The following PRKCH variants were observed in gnomAD, a reference collection of about 807,000 sequenced individuals.
The protein encoded by PRKCH is protein kinase C eta type.
PRKCH carries 28 observed loss-of-function variants against 82.5 expected under a neutral mutation model. The ratio of observed to expected loss-of-function variants is 0.34; its 90% CI spans 0.25 to 0.47. PRKCH has a LOEUF of 0.47. PRKCH is among the 20% of genes least tolerant of loss of function. PRKCH has a pLI of 1.00. For synonymous variants in PRKCH, 322 were observed against 327.4 expected, an observed-to-expected ratio of 0.98 and a Z score of 0.18; for missense variants, 705 against 881.8, an observed-to-expected ratio of 0.80 and a Z score of 2.54.
intron 2 of PRKCH, among the ~76,000 whole-genome samples, chr14:61,412,061 A>G (rs962864863): frequency 2.0e-5 from 3 of 152,234 alleles, no homozygotes; most frequent in Admixed American, 1.3e-4. Context: ...ATTTCTGAGT[A>G]ACTTAGCTGT....
chr14:61,491,434 T>A (rs1886445906), intron 10 of PRKCH, among the ~76,000 whole-genome samples: 1 of 152,232 alleles, frequency 6.6e-6, no homozygotes, highest in South Asian at 2.1e-4. Context: ...AACTTTCACA[T>A]CAGACTTTGG....
chr14:61,314,262 G>T (rs892429160), intron 1 of PRKCH, among the ~76,000 whole-genome samples: 8 of 151,972 alleles, frequency 5.3e-5, no homozygotes, highest in Non-Finnish European at 1.0e-4. Flanking sequence ...TCATAAATCT[G>T]TTTCTTAATA....
intron 2 of PRKCH, among the ~76,000 whole-genome samples, chr14:61,395,649 A>G (rs1474607088): frequency 5.3e-5 from 8 of 152,152 alleles, no homozygotes; most frequent in Non-Finnish European, 1.2e-4. Context: ...TTTGCAAACT[A>G]TAAAGTACTA....
chr14:61,225,741 C>CTTT (rs199858394), intron 1 of PRKCH, among the ~76,000 whole-genome samples: 1 of 147,886 alleles, frequency 6.8e-6, no homozygotes, highest in African/African-American at 2.5e-5. Context: ...GGAAGATATA[C>CTTT]TTTTTTTTTT....
chr14:61,200,375 AAGTG>A (rs1025207731), intron 1 of PRKCH, among the ~76,000 whole-genome samples: 11 of 146,996 alleles, frequency 7.5e-5, no homozygotes, highest in East Asian at 2.0e-4. Flanking sequence ...GCTACTGTTT[AAGTG>A]AGTGAGTGAG....
intron 2 of PRKCH, 134 bp downstream of exon 2, chr14:61,391,422 C>T: frequency 1.3e-6 from 1 of 779,696 alleles, no homozygotes. Flanking sequence ...ATAAGTTGGG[C>T]TGGCTAGTAT....
chr14:61,376,534 T>TA (rs1166857218), intron 1 of PRKCH, among the ~76,000 whole-genome samples: 66 of 152,232 alleles, frequency 4.3e-4, no homozygotes, highest in African/African-American at 1.6e-3. Flanking sequence ...GATTTAGTCT[T>TA]ACCGTCTTCC....
At chr14:61,357,951 G>C (rs1333999779) in intron 1 of PRKCH, among the ~76,000 whole-genome samples, 1 of 152,142 alleles carries the variant, frequency 6.6e-6, no homozygotes, top group African/African-American at 2.4e-5. Context: ...CTGGTGACCA[G>C]ATTCTGCTGG....
At position 61,280,020 on chromosome 14, in the gene PRKCH, CGAG is replaced by C; in HGVS notation, c.-19+92359_-19+92361del. 7.5e-7 allele frequency: 1 copy of C among 1,337,920 alleles called. No homozygotes were observed. The highest frequency in any genetic ancestry group is 1.0e-6 in the Non-Finnish European group (1 of 985,658). The allele number at this position is 1,337,920 out of a possible 1,614,324, so 82.9% of individuals were successfully genotyped here. A position where few individuals can be genotyped will look rare whatever the true frequency, so the allele number is the denominator to read the frequency against. Reference sequence around the variant, plus strand: ...GGCGAGGTTGGAATTGGGTGACGGGCGAGGAGGAGATGCCAAAAGCACCTTGCA... The same window carrying C: ...GGCGAGGTTGGAATTGGGTGACGGGCGAGGAGATGCCAAAAGCACCTTGCA... On this transcript the variant is annotated intron_variant, in intron 1 of 3. Transcript: ENST00000555185. The surrounding 1 kb of genome is among the most constrained non-coding windows in gnomAD (Gnocchi z 5.0).
At chr14:61,226,524 G>A (rs1222737304) in intron 1 of PRKCH, among the ~76,000 whole-genome samples, 2 of 152,288 alleles carry the variant, frequency 1.3e-5, no homozygotes, top group East Asian at 1.9e-4. Flanking sequence ...TATACCAGGC[G>A]AGGGTGACAG....
chr14:61,331,824 T>C, intron 1 of PRKCH, among the ~76,000 whole-genome samples: 1 of 152,242 alleles, frequency 6.6e-6, no homozygotes, highest in South Asian at 2.1e-4. Flanking sequence ...AATTATGTGT[T>C]ATCAAAGTTA....
intron 1 of PRKCH, among the ~76,000 whole-genome samples, chr14:61,277,201 C>CA (rs1412384399): frequency 2.0e-5 from 3 of 151,100 alleles, no homozygotes; most frequent in Non-Finnish European, 3.0e-5. Flanking sequence ...GACTCTGTCT[C>CA]AAAAAAAATA....
At chr14:61,515,749 A>G (rs911323861) in intron 10 of PRKCH, among the ~76,000 whole-genome samples, 6 of 152,186 alleles carry the variant, frequency 3.9e-5, no homozygotes, top group African/African-American at 1.4e-4. Flanking sequence ...CCAAAATGCA[A>G]AAGCTTACAG....
intron 4 of PRKCH, among the ~76,000 whole-genome samples, chr14:61,448,687 A>C (rs927688): frequency 0.81 from 123,567 of 152,116 alleles, 54,218 homozygotes; most frequent in Non-Finnish European, 0.97. Context: ...AGGGAGAGAA[A>C]AGGGCATCGA....
At chr14:61,195,925 G>A (rs1028891531) in intron 1 of PRKCH, among the ~76,000 whole-genome samples, 2 of 152,110 alleles carry the variant, frequency 1.3e-5, no homozygotes, top group East Asian at 1.9e-4. Flanking sequence ...TTAGGGCTTC[G>A]GCATATAAAT....
rs146057743 is a variant in PRKCH at position 61,467,914 on chromosome 14, A to G, written c.1278+10235A>G. On this transcript the variant is annotated intron_variant, in intron 9 of 13. Transcript: ENST00000332981. ...AGTATCATCCTCATTTTAAAGGCCT[A>G]GAAACTGAGATCCAGAGAAATTAAA... is the stretch of plus-strand genomic sequence containing the variant. Among the ~76,000 whole-genome samples, 209 of 152,344 alleles carry G rather than the reference A, an allele frequency of 1.4e-3. 1 individual carries two copies. The highest frequency in any genetic ancestry group is 4.9e-3 in the African/African-American group (204 of 41,580).
intron 2 of PRKCH, among the ~76,000 whole-genome samples, chr14:61,432,628 C>A (rs188540692): frequency 1.3e-5 from 2 of 152,304 alleles, no homozygotes; most frequent in Admixed American, 1.3e-4. Context: ...AGCCACTGCG[C>A]CCAGCAGTAA....
chr14:61,190,158 T>C (rs2140031593), intron 1 of PRKCH, among the ~76,000 whole-genome samples: 1 of 152,324 alleles, frequency 6.6e-6, no homozygotes, highest in East Asian at 1.9e-4. Context: ...ACTCTCCACA[T>C]AGAATACACT....
At chr14:61,248,519 C>T (rs1166595277) in intron 1 of PRKCH, among the ~76,000 whole-genome samples, 1 of 152,058 alleles carries the variant, frequency 6.6e-6, no homozygotes, top group Non-Finnish European at 1.5e-5. Flanking sequence ...TTACCAGCAC[C>T]GTAACTATCA....
Sources: gnomAD v4.1 joint callset for allele counts (sites outside exome capture counted in the v4.1 genomes callset) on GRCh38, gnomAD v4.1.1 for gene constraint, Gnocchi (gnomAD v3.1) non-coding constraint, MANE v1.5 for transcripts, NCBI Gene and HGNC (gene_info 2026-07-23, HGNC 2026-07-21) for gene names.